Variants in NALF1 observed in about 807,000 individuals in gnomAD.
The protein encoded by NALF1 is family with sequence similarity 155 member A.
A neutral mutation model predicts 48.4 loss-of-function variants in NALF1; 3 were observed. The ratio of observed to expected loss-of-function variants is 0.06; its 90% CI spans 0.03 to 0.16. NALF1 has a LOEUF of 0.16. NALF1 is among the 10% of genes least tolerant of loss of function. The pLI is 1.00. For synonymous variants in NALF1, 262 were observed against 245.7 expected (o/e 1.07, Z -0.62); for missense variants, 526 against 571.5 (o/e 0.92, Z 0.81).
At chr13:107,433,270 T>C (rs7320409) in intron 1 of NALF1, among the ~76,000 whole-genome samples, 47,069 of 152,008 alleles carry the variant, frequency 0.31, 7,967 homozygotes, top group Non-Finnish European at 0.37. Flanking sequence ...AACTTTATGC[T>C]GGAAGAGAGA....
At chr13:107,418,292 CT>C (rs1391378091) in intron 1 of NALF1, among the ~76,000 whole-genome samples, 2 of 152,086 alleles carry the variant, frequency 1.3e-5, no homozygotes, top group Non-Finnish European at 2.9e-5. Flanking sequence ...ATCCCCTCCC[CT>C]CGAGTGTGAG....
At chr13:107,806,100 A>G (rs1048232301) in intron 1 of NALF1, among the ~76,000 whole-genome samples, 1 of 152,198 alleles carries the variant, frequency 6.6e-6, no homozygotes, top group African/African-American at 2.4e-5. Flanking sequence ...AAGCATATAA[A>G]CCTCGAAGTG....
chr13:107,215,959 C>T (rs1404376142), intron 1 of NALF1, among the ~76,000 whole-genome samples: 1 of 152,130 alleles, frequency 6.6e-6, no homozygotes, highest in Non-Finnish European at 1.5e-5. Context: ...TATATGTTAG[C>T]CTGCTGAAAA....
At chr13:107,512,884 G>A (rs565668008) in intron 1 of NALF1, among the ~76,000 whole-genome samples, 4 of 152,222 alleles carry the variant, frequency 2.6e-5, no homozygotes, top group African/African-American at 9.6e-5. Flanking sequence ...ATCTGGTCCA[G>A]TGTCCAAGCC....
chr13:107,173,083 C>T (rs1878839430), intron 2 of NALF1, among the ~76,000 whole-genome samples: 1 of 152,120 alleles, frequency 6.6e-6, no homozygotes, highest in Non-Finnish European at 1.5e-5. Context: ...AAAAAATCCT[C>T]CACCTCCCAC....
chr13:107,530,465 A>G (rs1203255677), intron 1 of NALF1, among the ~76,000 whole-genome samples: 1 of 152,174 alleles, frequency 6.6e-6, no homozygotes, highest in Non-Finnish European at 1.5e-5. Context: ...ATCCATATAG[A>G]CTGAAGCAAA....
intron 2 of NALF1, among the ~76,000 whole-genome samples, chr13:107,181,648 C>A (rs1257288697): frequency 1.4e-5 from 2 of 141,006 alleles, no homozygotes; most frequent in Admixed American, 7.2e-5. Context: ...TATTGGATAA[C>A]CATGCTTAAT....
chr13:107,738,751 C>T (rs1353140135), intron 1 of NALF1, among the ~76,000 whole-genome samples: 1 of 151,736 alleles, frequency 6.6e-6, no homozygotes, highest in Non-Finnish European at 1.5e-5. Context: ...ACTGCAACCT[C>T]TGCCTCCTGG....
chr13:107,619,720 A>C (rs1457288717), intron 1 of NALF1, among the ~76,000 whole-genome samples: 1 of 152,196 alleles, frequency 6.6e-6, no homozygotes, highest in African/African-American at 2.4e-5. Context: ...ATGACTTGAA[A>C]GAAGTTGAGT....
At chr13:107,181,005 T>C (rs1245319850) in intron 2 of NALF1, among the ~76,000 whole-genome samples, 1 of 151,748 alleles carries the variant, frequency 6.6e-6, no homozygotes, top group Non-Finnish European at 1.5e-5. Context: ...TAGATTATTA[T>C]AGAGTTGTGT....
chr13:107,170,602 C>T lies in NALF1; in HGVS notation c.1272G>A (p.Leu424=). ...CTGTGAGCACTGTGTGTAAGAGAAT[C>T]AGTACAAGAACACACAGCTTGAGTC... ...NSRLKLCVLV[L]ILLHTVLTAS... The change falls in exon 3 of 3, where the codon CTG becomes CTA. Residue 424 remains leucine (L), a synonymous_variant. Transcript: ENST00000375915. 6.2e-7 allele frequency: 1 copy of T among 1,614,190 alleles called. No individual in the cohort carries two copies.
intron 1 of NALF1, among the ~76,000 whole-genome samples, chr13:107,440,064 G>A (rs989612019): frequency 1.3e-5 from 2 of 152,128 alleles, no homozygotes; most frequent in African/African-American, 4.8e-5. Context: ...CTGCAGTTCG[G>A]TTTATGTAGA....
At chr13:107,288,871 A>T (rs563327410) in intron 1 of NALF1, among the ~76,000 whole-genome samples, 19 of 152,318 alleles carry the variant, frequency 1.2e-4, no homozygotes, top group African/African-American at 4.6e-4. Context: ...GCAAGCAATG[A>T]TGCAGCTAAC....
chr13:107,183,407 A>C (rs1320881746), intron 2 of NALF1, among the ~76,000 whole-genome samples: 2 of 152,232 alleles, frequency 1.3e-5, no homozygotes, highest in African/African-American at 4.8e-5. Flanking sequence ...AATGTAAATT[A>C]GTTCACCCAT....
At chr13:107,698,564 A>G (rs943585111) in intron 1 of NALF1, among the ~76,000 whole-genome samples, 2 of 152,136 alleles carry the variant, frequency 1.3e-5, no homozygotes, top group African/African-American at 2.4e-5. Flanking sequence ...TATAGAATAT[A>G]TATTTCCAGT....
At chr13:107,287,089 T>C (rs893999418) in intron 1 of NALF1, among the ~76,000 whole-genome samples, 1 of 152,246 alleles carries the variant, frequency 6.6e-6, no homozygotes, top group Non-Finnish European at 1.5e-5. Flanking sequence ...AAAATTGACA[T>C]GCACGCATAA....
At chr13:107,681,704 G>A (rs752996592) in intron 1 of NALF1, among the ~76,000 whole-genome samples, 5 of 152,094 alleles carry the variant, frequency 3.3e-5, no homozygotes, top group East Asian at 1.9e-4. Context: ...GCTCTCATCC[G>A]ACGGCTGCAG....
At position 107,410,271 on chromosome 13, in the gene NALF1, C is replaced by T. The variant is rs561812093; in HGVS notation, c.916-199516G>A. Among the ~76,000 whole-genome samples the T allele has an allele frequency of 1.8e-3, 267 of 152,158 alleles. 7 individuals are homozygous for T. The South Asian group carries it at 0.052, about 30-fold the overall frequency. ...ATTTCTCTCCATTCCACACCTTTTC[C>T]CCTGGGCTTTCAGAAGGCCACACCC... is the stretch of plus-strand genomic sequence containing the variant. On this transcript the variant is annotated intron_variant, in intron 1 of 2. Coordinates refer to ENST00000375915, the MANE Select transcript of NALF1 (RefSeq NM_001080396.3).
intron 1 of NALF1, among the ~76,000 whole-genome samples, chr13:107,780,814 G>A (rs532840906): frequency 9.2e-5 from 14 of 152,218 alleles, no homozygotes; most frequent in African/African-American, 3.4e-4. Flanking sequence ...AGGCAATGAT[G>A]ATTACTACTC....
Sources: allele counts gnomAD v4.1 joint callset (sites outside exome capture counted in the v4.1 genomes callset), GRCh38; gene constraint gnomAD v4.1.1; transcripts MANE v1.5; gene names NCBI Gene and HGNC (gene_info 2026-07-23, HGNC 2026-07-21).